JAKMIP3: variants seen among roughly 807,000 people sequenced by gnomAD.
The protein encoded by JAKMIP3 is janus kinase and microtubule-interacting protein 3.
A neutral mutation model predicts 118.5 loss-of-function variants in JAKMIP3; 58 were observed. The ratio of observed to expected loss-of-function variants is 0.49; its 90% confidence interval spans 0.40 to 0.61. JAKMIP3 has a LOEUF of 0.61. Ranked by LOEUF, JAKMIP3 falls within the 20% of genes least tolerant of loss-of-function variation. The pLI is 0.00. For missense variants in JAKMIP3, 950 were observed against 1,109.0 expected (o/e 0.86, Z 2.04); for synonymous variants, 486 against 451.2 (o/e 1.08, Z -0.98).
At chr10:132,151,505 G>A (rs927751887) in intron 16 of JAKMIP3, among the ~76,000 whole-genome samples, 48 of 152,228 alleles carry the variant, frequency 3.2e-4, no homozygotes, top group African/African-American at 1.1e-3. Flanking sequence ...GTGGTCATAG[G>A]TGGCCGAAGA....
chr10:132,112,302 T>C lies in JAKMIP3; in HGVS notation c.136-4775T>C, dbSNP rs566529900. On this transcript the variant is annotated intron_variant, in intron 2 of 23. Transcript: ENST00000684848. This position sits in a 1 kb window ranked among gnomAD's most constrained non-coding sequence, Gnocchi z 4.3. ...GTGTGGGAGCGGGGTCTCCGGGTGG[T>C]GGGAGATGCTGCCCAGAGAACAGTG... Among the ~76,000 whole-genome samples, 10 of 151,578 alleles carry C rather than the reference T, an allele frequency of 6.6e-5. No homozygotes were observed. The highest frequency in any genetic ancestry group is 2.2e-4 in the African/African-American group (9 of 41,364).
intron 1 of JAKMIP3, among the ~76,000 whole-genome samples, chr10:132,074,607 G>C (rs1177815528): frequency 6.6e-6 from 1 of 152,218 alleles, no homozygotes; most frequent in African/African-American, 2.4e-5. Flanking sequence ...ATAGTTTGCA[G>C]ATATTTTCTC....
chr10:132,156,854 T>C (rs944725826), intron 19 of JAKMIP3, among the ~76,000 whole-genome samples: 2 of 152,154 alleles, frequency 1.3e-5, no homozygotes, highest in Admixed American at 6.5e-5. Flanking sequence ...GAGAAGGACA[T>C]GCATTTCTTT....
At chr10:132,124,354 C>T (rs2049107203) in intron 3 of JAKMIP3, among the ~76,000 whole-genome samples, 1 of 151,806 alleles carries the variant, frequency 6.6e-6, no homozygotes, top group Non-Finnish European at 1.5e-5. Flanking sequence ...CACGTGATCA[C>T]ACGTCCCACC....
At chr10:132,134,005 C>T (rs1480347518) in intron 4 of JAKMIP3, among the ~76,000 whole-genome samples, 1 of 152,250 alleles carries the variant, frequency 6.6e-6, no homozygotes, top group Non-Finnish European at 1.5e-5. Context: ...CACCAGTCAC[C>T]CTCCCACCCG....
At chr10:132,127,666 T>C (rs2049888089) in intron 3 of JAKMIP3, among the ~76,000 whole-genome samples, 1 of 151,984 alleles carries the variant, frequency 6.6e-6, no homozygotes, top group South Asian at 2.1e-4. Flanking sequence ...CTCATCCCCC[T>C]GTTCCTTTTT....
At position 132,168,723 on chromosome 10, in the gene JAKMIP3, C is replaced by T. The variant is rs553960270; in HGVS notation, c.*793C>T. 88 of 265,976 alleles carry T rather than the reference C, an allele frequency of 3.3e-4. 3 individuals are homozygous for T. The highest frequency in any genetic ancestry group is 2.9e-3 in the South Asian group (82 of 28,214). 16.5% of individuals were successfully genotyped at this position (265,976 alleles called of 1,614,324 possible). On this transcript the variant is annotated 3_prime_UTR_variant, in exon 23 of 24. Transcript: ENST00000684848. ...ACTGAGCCAAGGAAGGCGTGGGGAG[C>T]GTGGTGACAGGAGGTGGGACGAGGG...
At chr10:132,101,076 A>G (rs1269144980) in intron 1 of JAKMIP3, among the ~76,000 whole-genome samples, 1 of 152,250 alleles carries the variant, frequency 6.6e-6, no homozygotes, top group South Asian at 2.1e-4. Flanking sequence ...CTCTCAGACC[A>G]GGGTGGCCAG....
At chr10:132,064,487 G>A (rs1192757822), upstream of JAKMIP3, among the ~76,000 whole-genome samples, 1 of 151,414 alleles carries the variant, frequency 6.6e-6, no homozygotes, top group East Asian at 2.0e-4. The surrounding 1 kb of genome is among the most constrained non-coding windows in gnomAD (Gnocchi z 4.4). Flanking sequence ...ACACGGGAGG[G>A]GTCTGGATCT....
intron 23 of JAKMIP3, among the ~76,000 whole-genome samples, chr10:132,169,645 C>T (rs374371419): frequency 1.1e-4 from 16 of 152,234 alleles, no homozygotes; most frequent in African/African-American, 2.9e-4. Flanking sequence ...CATGGGGGGC[C>T]GCCCAGGGAG....
At chr10:132,150,734 G>A (rs942297434) in intron 16 of JAKMIP3, among the ~76,000 whole-genome samples, 8 of 145,564 alleles carry the variant, frequency 5.5e-5, no homozygotes, top group Admixed American at 1.4e-4. Context: ...CCATCTATCC[G>A]TCCTCCATAA....
At chr10:132,077,379 C>T (rs1015845303) in intron 1 of JAKMIP3, among the ~76,000 whole-genome samples, 5 of 152,194 alleles carry the variant, frequency 3.3e-5, no homozygotes, top group Non-Finnish European at 7.3e-5. Flanking sequence ...GTGCCCTCCC[C>T]TATCTGAGAA....
At chr10:132,161,473 CCTCTTCCTGTGTGATGCTGGGGGGGT>C (rs1361082582) in intron 19 of JAKMIP3, among the ~76,000 whole-genome samples, 17 of 61,716 alleles carry the variant, frequency 2.8e-4, no homozygotes, top group Non-Finnish European at 2.9e-4. Context: ...CAGGCGGTGG[CCTCTTCCTGTGTGATGCTGGGGGGGT>C]CTCTTCCTGT....
chr10:132,162,217 C>T (rs1030096521), intron 19 of JAKMIP3, among the ~76,000 whole-genome samples: 1 of 152,192 alleles, frequency 6.6e-6, no homozygotes, highest in African/African-American at 2.4e-5. Context: ...GCCGACTTTG[C>T]CTCTCTGGAC....
At chr10:132,102,234 C>A (rs1276820812) in intron 1 of JAKMIP3, among the ~76,000 whole-genome samples, 1 of 152,154 alleles carries the variant, frequency 6.6e-6, no homozygotes, top group Non-Finnish European at 1.5e-5. Flanking sequence ...AGGGTTTTGT[C>A]CTCAGGATGG....
chr10:132,170,270 C>T (rs1399656042), intron 23 of JAKMIP3: 2 of 152,362 alleles, frequency 1.3e-5, no homozygotes, highest in Non-Finnish European at 2.9e-5. Flanking sequence ...GCTCCACAGC[C>T]TCCAGGGTCC....
rs540164853 is a variant in JAKMIP3 at position 132,179,224 on chromosome 10, C to T, written c.*1104-3133C>T. Among the ~76,000 whole-genome samples, 282 of 152,290 alleles carry T rather than the reference C, an allele frequency of 1.9e-3. 1 individual carries two copies. Among genetic ancestry groups the T allele is most frequent in the African/African-American group, 6.3e-3 (262 of 41,548 alleles). ...ATAAAATTACCCAGGCTTTCCCCTCCAGCGTGAAGGGCAGGGGCCCTCAGT... is the reference window on the plus strand; with the variant it reads ...ATAAAATTACCCAGGCTTTCCCCTCTAGCGTGAAGGGCAGGGGCCCTCAGT... On this transcript the variant is annotated intron_variant, in intron 23 of 23. Coordinates refer to ENST00000684848, the MANE Select transcript of JAKMIP3 (RefSeq NM_001323087.2). This position sits in a 1 kb window ranked among gnomAD's most constrained non-coding sequence, Gnocchi z 4.3.
rs774714056 is a variant in JAKMIP3, at chr10:132,154,023, A to C, written c.2220+33A>C. ...GCACGAGACTGCTGGAACCCCGGGGAGGGGCACTGGGCTGAAACGGCCACG... is the reference window on the plus strand; with the variant it reads ...GCACGAGACTGCTGGAACCCCGGGGCGGGGCACTGGGCTGAAACGGCCACG... On this transcript the variant is annotated intron_variant, in intron 19 of 23. Transcript: ENST00000684848. The C allele has an allele frequency of 2.9e-5, 47 of 1,603,762 alleles. No individual in the cohort carries two copies. In the South Asian group the frequency reaches 5.0e-4, roughly 17 times the overall value.
chr10:132,081,891 CTCT>C (rs1054372064), intron 1 of JAKMIP3, among the ~76,000 whole-genome samples: 2 of 152,012 alleles, frequency 1.3e-5, no homozygotes, highest in African/African-American at 4.8e-5. Flanking sequence ...ATCTCCATGT[CTCT>C]TCTTAACCGG....
Sources: gnomAD v4.1 joint callset for allele counts (sites outside exome capture counted in the v4.1 genomes callset) on GRCh38, gnomAD v4.1.1 for gene constraint, Gnocchi (gnomAD v3.1) non-coding constraint, MANE v1.5 for transcripts, NCBI Gene and HGNC (gene_info 2026-07-23, HGNC 2026-07-21) for gene names.